Variants in CCDC91 observed in about 807,000 individuals in gnomAD.
CCDC91 encodes the protein coiled-coil domain containing 91, also known as coiled-coil domain-containing protein 91.
A neutral mutation model predicts 63.2 loss-of-function variants in CCDC91; 48 were observed. That is an observed-to-expected ratio of 0.76 (90% CI 0.60 to 0.97). The LOEUF is 0.97. CCDC91 is among the 50% of genes least tolerant of loss of function. The pLI is 0.00. For missense variants in CCDC91, 500 were observed against 494.6 expected (o/e 1.01, Z -0.10); for synonymous variants, 167 against 165.8 (o/e 1.01, Z -0.06).
At chr12:28,336,117 A>T (rs1592346721) in intron 6 of CCDC91, among the ~76,000 whole-genome samples, 1 of 151,890 alleles carries the variant, frequency 6.6e-6, no homozygotes, top group East Asian at 1.9e-4. Flanking sequence ...ATTCAATCTA[A>T]TTTCTTAGTA....
At chr12:28,511,757 C>A (rs1424304706) in intron 12 of CCDC91, among the ~76,000 whole-genome samples, 1 of 151,836 alleles carries the variant, frequency 6.6e-6, no homozygotes, top group Non-Finnish European at 1.5e-5. Flanking sequence ...ACTCATATGT[C>A]AATTTTGTGT....
intron 12 of CCDC91, among the ~76,000 whole-genome samples, chr12:28,544,231 G>A (rs1264696282): frequency 6.6e-6 from 1 of 151,528 alleles, no homozygotes; most frequent in Non-Finnish European, 1.5e-5. Context: ...AATCTTAATG[G>A]ATTTCTTACC....
chr12:28,495,426 C>G (rs1377229123), intron 12 of CCDC91, among the ~76,000 whole-genome samples: 1 of 151,620 alleles, frequency 6.6e-6, no homozygotes, highest in Non-Finnish European at 1.5e-5. Flanking sequence ...GATGTCCCTG[C>G]AGGTCAGAGC....
At chr12:28,529,718 G>A (rs1941579558) in intron 12 of CCDC91, among the ~76,000 whole-genome samples, 1 of 152,158 alleles carries the variant, frequency 6.6e-6, no homozygotes, top group African/African-American at 2.4e-5. Flanking sequence ...AAGTTAAGAA[G>A]GCGAATCTAG....
At chr12:28,315,324 C>T (rs1424105703) in intron 6 of CCDC91, among the ~76,000 whole-genome samples, 1 of 151,822 alleles carries the variant, frequency 6.6e-6, no homozygotes, top group African/African-American at 2.4e-5. Context: ...TACCACCACA[C>T]CCGGCTAATT....
chr12:28,268,197 G>A (rs987304190), intron 3 of CCDC91, among the ~76,000 whole-genome samples: 2 of 151,068 alleles, frequency 1.3e-5, no homozygotes, highest in African/African-American at 2.4e-5. Context: ...CTGAGTAGCT[G>A]GGATTACAGG....
chr12:28,505,270 A>C (rs1472621462), intron 12 of CCDC91: 1 of 151,902 alleles, frequency 6.6e-6, no homozygotes, highest in Non-Finnish European at 1.5e-5. Context: ...TGTACCCTGC[A>C]CTGAAATCCC....
intron 3 of CCDC91, among the ~76,000 whole-genome samples, chr12:28,300,740 T>C (rs1244173834): frequency 6.6e-6 from 1 of 151,648 alleles, no homozygotes; most frequent in Non-Finnish European, 1.5e-5. Flanking sequence ...TTCTATCCTA[T>C]TACAAGAGAT....
intron 7 of CCDC91, among the ~76,000 whole-genome samples, chr12:28,380,336 G>A (rs1945221598): frequency 6.6e-6 from 1 of 151,914 alleles, no homozygotes; most frequent in Admixed American, 6.6e-5. Context: ...TAATAAAAAA[G>A]ATGTGTAGAG....
intron 12 of CCDC91, chr12:28,484,376 A>G (rs1951609264): frequency 3.1e-6 from 1 of 322,754 alleles, no homozygotes; most frequent in Non-Finnish European, 5.7e-6. Context: ...AACAGTGAAT[A>G]ATTTGTTGGT....
chr12:28,536,308 A>C (rs1349155779), intron 12 of CCDC91, among the ~76,000 whole-genome samples: 1 of 152,186 alleles, frequency 6.6e-6, no homozygotes, highest in Non-Finnish European at 1.5e-5. Context: ...AAATGCTACC[A>C]ATTGTGGTTT....
intron 1 of CCDC91, among the ~76,000 whole-genome samples, chr12:28,231,381 A>G (rs924266870): frequency 3.9e-5 from 6 of 152,224 alleles, no homozygotes; most frequent in Admixed American, 2.6e-4. Context: ...TTCTTAATTT[A>G]TGATGGGACA....
intron 1 of CCDC91, among the ~76,000 whole-genome samples, chr12:28,203,932 G>C (rs1455077090): frequency 6.6e-6 from 1 of 152,018 alleles, no homozygotes; most frequent in African/African-American, 2.4e-5. Flanking sequence ...ATATTACTTG[G>C]AGAAATTAGA....
intron 12 of CCDC91, among the ~76,000 whole-genome samples, chr12:28,527,017 T>C (rs1941320337): frequency 2.0e-5 from 3 of 152,112 alleles, no homozygotes; most frequent in Non-Finnish European, 4.4e-5. Context: ...CTTCTTGTAT[T>C]ATATTTTGGA....
At chr12:28,243,219 C>T (rs1945464174) in intron 1 of CCDC91, among the ~76,000 whole-genome samples, 2 of 152,100 alleles carry the variant, frequency 1.3e-5, no homozygotes, top group Non-Finnish European at 1.5e-5. Flanking sequence ...GTATGGGAGT[C>T]AGTAGGGTGA....
At chr12:28,276,188 T>C (rs1948210377) in intron 3 of CCDC91, among the ~76,000 whole-genome samples, 1 of 152,152 alleles carries the variant, frequency 6.6e-6, no homozygotes, top group South Asian at 2.1e-4. Flanking sequence ...CTTTATGTAA[T>C]AGAATATTGT....
chr12:28,200,845 G>A (rs1329544926), intron 1 of CCDC91, among the ~76,000 whole-genome samples: 9 of 150,596 alleles, frequency 6.0e-5, no homozygotes, highest in East Asian at 2.0e-4. Context: ...TTCCCAGTAG[G>A]GGCGGCTGGG....
At chr12:28,415,145 AT>A (rs1258155985) in intron 8 of CCDC91, among the ~76,000 whole-genome samples, 5 of 151,350 alleles carry the variant, frequency 3.3e-5, no homozygotes, top group African/African-American at 1.2e-4. Flanking sequence ...TCTATTTTTA[AT>A]TTTTTTCTAC....
At chr12:28,237,739 G>A (rs1945062392) in intron 1 of CCDC91, among the ~76,000 whole-genome samples, 1 of 152,148 alleles carries the variant, frequency 6.6e-6, no homozygotes, top group South Asian at 2.1e-4. Flanking sequence ...CCAAGTTTTG[G>A]TAATTTGTGA....
Sources: gnomAD v4.1 joint callset for allele counts (sites outside exome capture counted in the v4.1 genomes callset) on GRCh38, gnomAD v4.1.1 for gene constraint, MANE v1.5 for transcripts, NCBI Gene and HGNC (gene_info 2026-07-23, HGNC 2026-07-21) for gene names.